KPNA5: variants seen among roughly 807,000 people sequenced by gnomAD.
KPNA5 encodes the protein importin subunit alpha-6.
In KPNA5, 46 loss-of-function variants were observed where a neutral mutation model predicts 71.3. The ratio of observed to expected loss-of-function variants is 0.65; its 90% confidence interval spans 0.51 to 0.83. The LOEUF (loss-of-function observed/expected upper bound fraction) is 0.83, where lower values mean the gene tolerates loss of function less well. KPNA5 is among the 40% of genes least tolerant of loss of function. KPNA5 has a pLI of 0.00. For synonymous variants in KPNA5, 207 were observed against 201.4 expected (o/e 1.03, Z -0.24); for missense variants, 547 against 628.3 (o/e 0.87, Z 1.38).
At chr6:116,713,409 G>A (rs924353100) in intron 7 of KPNA5, among the ~76,000 whole-genome samples, 3 of 152,062 alleles carry the variant, frequency 2.0e-5, no homozygotes, top group Admixed American at 2.0e-4. Context: ...CATGATTTTT[G>A]ATGAGAAATC....
At chr6:116,720,999 T>C (rs1270940196) in intron 8 of KPNA5, among the ~76,000 whole-genome samples, 1 of 152,222 alleles carries the variant, frequency 6.6e-6, no homozygotes, top group African/African-American at 2.4e-5. Context: ...ACATGAGTCC[T>C]AGGGTCATCT....
chr6:116,692,473 T>C, intron 4 of KPNA5, 81 bp downstream of exon 4: 1 of 843,496 alleles, frequency 1.2e-6, no homozygotes, highest in Non-Finnish European at 1.9e-6. Flanking sequence ...TTTTTAAATT[T>C]TAAAATACCT....
At chr6:116,685,596 G>C (rs2114353113) in intron 1 of KPNA5, among the ~76,000 whole-genome samples, 1 of 152,296 alleles carries the variant, frequency 6.6e-6, no homozygotes, top group Admixed American at 6.5e-5. Context: ...CTCCATTCAT[G>C]TTCCCACAGA....
At chr6:116,686,770 GC>G (rs2114357521) in intron 1 of KPNA5, among the ~76,000 whole-genome samples, 1 of 152,266 alleles carries the variant, frequency 6.6e-6, no homozygotes, top group South Asian at 2.1e-4. Context: ...TGTTATCCCA[GC>G]ACCATTTATT....
chr6:116,682,113 A>C (rs568359490), intron 1 of KPNA5, among the ~76,000 whole-genome samples: 1 of 152,026 alleles, frequency 6.6e-6, no homozygotes, highest in East Asian at 1.9e-4. Flanking sequence ...AAAAATACAA[A>C]AAATACAAAA....
intron 1 of KPNA5, among the ~76,000 whole-genome samples, chr6:116,687,269 G>A (rs1251121421): frequency 6.6e-6 from 1 of 151,988 alleles, no homozygotes; most frequent in Non-Finnish European, 1.5e-5. Flanking sequence ...TATATTTTGA[G>A]GTATTTTATA....
At chr6:116,682,136 T>C (rs535076445) in intron 1 of KPNA5, among the ~76,000 whole-genome samples, 44 of 151,396 alleles carry the variant, frequency 2.9e-4, no homozygotes, top group African/African-American at 9.7e-4. Flanking sequence ...AAATACAAAA[T>C]AATAAATACA....
intron 8 of KPNA5, among the ~76,000 whole-genome samples, chr6:116,720,472 G>A (rs552495679): frequency 1.3e-5 from 2 of 152,110 alleles, no homozygotes; most frequent in Non-Finnish European, 2.9e-5. Context: ...CTGGAAATAG[G>A]TATTAGTTCA....
At chr6:116,725,948 T>C in intron 11 of KPNA5, 72 bp downstream of exon 11, 5 of 1,507,210 alleles carry the variant, frequency 3.3e-6, no homozygotes, top group African/African-American at 1.4e-5. Flanking sequence ...GTTAACACTT[T>C]TACTAAAAAA....
At chr6:116,693,540 G>A (rs1484649910) in intron 4 of KPNA5, among the ~76,000 whole-genome samples, 2 of 152,000 alleles carry the variant, frequency 1.3e-5, no homozygotes, top group African/African-American at 2.4e-5. Flanking sequence ...TCTTCTTTTG[G>A]GAAGTGTCTG....
Position 116,702,023 on chromosome 6 carries a change from A to C in KPNA5, c.440A>C (p.Glu147Ala). The change falls in exon 6 of 14, where the codon GAA (glutamate) becomes GCA (alanine). Residue 147 changes from glutamate to alanine, a missense_variant. Transcript: ENST00000368564. ...TTACCTTTTTTTTCTTCTTAGTTTG[A>C]AGCTGCATGGGCATTAACAAATATA... is the stretch of plus-strand genomic sequence containing the variant. Reference protein sequence around the residue: ...ERNENCTLQFEAAWALTNIAS... With the variant: ...ERNENCTLQFAAAWALTNIAS... 6.2e-7 allele frequency: 1 copy of C among 1,603,360 alleles called. No individual in the cohort carries two copies. The highest frequency in any genetic ancestry group is 8.5e-7 in the Non-Finnish European group (1 of 1,177,130).
At position 116,736,545 on chromosome 6, in the gene KPNA5, A is replaced by G. The variant is rs1779675387; in HGVS notation, c.*4222A>G. ...TACAGTATGTTTTTTAAATCACGTG[A>G]GAGTAACACAAAGTTTTAAATGCAT... On this transcript the variant is annotated 3_prime_UTR_variant, in exon 14 of 14. Coordinates refer to ENST00000368564, the MANE Select transcript of KPNA5 (RefSeq NM_001366306.2). The G allele has an allele frequency of 6.6e-6, 1 of 152,034 alleles. No homozygotes were observed. The highest frequency in any genetic ancestry group is 2.4e-5 in the African/African-American group (1 of 41,444). 9.4% of individuals were successfully genotyped at this position (152,034 alleles called of 1,614,324 possible).
rs1285231638 is a variant in KPNA5, at chr6:116,739,646, CAG to C, written c.*7325_*7326del. 1 of 151,698 alleles carries C rather than the reference CAG, an allele frequency of 6.6e-6. No individual in the cohort carries two copies. Among genetic ancestry groups the C allele is most frequent in the Non-Finnish European group, 1.5e-5 (1 of 67,798 alleles). 9.4% of individuals were successfully genotyped at this position (151,698 alleles called of 1,614,324 possible). On this transcript the variant is annotated 3_prime_UTR_variant, in exon 14 of 14. Coordinates refer to ENST00000368564, the MANE Select transcript of KPNA5 (RefSeq NM_001366306.2). ...AAACAGCATGGTACCAGTACCAAAA[CAG>C]ATATAGATCAATGGAACAGAACAGA...
At chr6:116,728,612 A>T in intron 12 of KPNA5, among the ~76,000 whole-genome samples, 1 of 152,160 alleles carries the variant, frequency 6.6e-6, no homozygotes, top group East Asian at 1.9e-4. Flanking sequence ...AGTACAGTAT[A>T]GGGCAAATGA....
chr6:116,690,954 C>T (rs1487960803), intron 2 of KPNA5, among the ~76,000 whole-genome samples: 1 of 152,114 alleles, frequency 6.6e-6, no homozygotes, highest in Non-Finnish European at 1.5e-5. Flanking sequence ...TATTGTCGGG[C>T]TCAGTGGCTT....
In KPNA5 at chr6:116,736,747, G is replaced by A. The variant is rs1779683597; in HGVS notation, c.*4424G>A. On this transcript the variant is annotated 3_prime_UTR_variant, in exon 14 of 14. Coordinates refer to ENST00000368564, the MANE Select transcript of KPNA5 (RefSeq NM_001366306.2). The stretch of plus-strand genomic sequence containing the variant: ...TACTCACACAGCTTATTAATGCTTT[G>A]CTCATTTTTGGTTATTTTTCATTTT... 6.6e-6 allele frequency: 1 copy of A among 151,746 alleles called. No individual in the cohort carries two copies. Among genetic ancestry groups the A allele is most frequent in the African/African-American group, 2.4e-5 (1 of 41,352 alleles). The allele number at this position is 151,746 out of a possible 1,614,324, so 9.4% of individuals were successfully genotyped here.
intron 1 of KPNA5, among the ~76,000 whole-genome samples, chr6:116,688,957 T>TC (rs1243085025): frequency 1.3e-5 from 2 of 152,078 alleles, no homozygotes; most frequent in Non-Finnish European, 2.9e-5. Context: ...AGAAGACTTT[T>TC]TTTTTAACCC....
chr6:116,716,376 A>C, intron 8 of KPNA5, 58 bp downstream of exon 8: 1 of 1,195,964 alleles, frequency 8.4e-7, no homozygotes, highest in Non-Finnish European at 1.2e-6. Flanking sequence ...GTTTCTATAT[A>C]ATAGCTTTTT....
chr6:116,697,396 A>G (rs1021034270), intron 4 of KPNA5, among the ~76,000 whole-genome samples: 1 of 152,086 alleles, frequency 6.6e-6, no homozygotes, highest in Non-Finnish European at 1.5e-5. Context: ...ATTTTGTCCA[A>G]GTTAGAAGAA....
Sources: allele counts gnomAD v4.1 joint callset (sites outside exome capture counted in the v4.1 genomes callset), GRCh38; gene constraint gnomAD v4.1.1; transcripts MANE v1.5; gene names NCBI Gene and HGNC (gene_info 2026-07-23, HGNC 2026-07-21).